The following LMO7 variants were observed in gnomAD, a reference collection of about 807,000 sequenced individuals.
The protein encoded by LMO7 is LIM domain 7, also known as LIM domain only protein 7.
A neutral mutation model predicts 206.5 loss-of-function variants in LMO7; 120 were observed. The ratio of observed to expected loss-of-function variants is 0.58; its 90% confidence interval spans 0.50 to 0.68. The LOEUF is 0.68. Among genes scored for constraint, LMO7 ranks in the 30% least tolerant of loss-of-function variants. The pLI is 0.00. For synonymous variants in LMO7, 706 were observed against 681.5 expected (o/e 1.04, Z -0.56); for missense variants, 1,959 against 1,957.9 (o/e 1.00, Z -0.01).
intron 8 of LMO7, chr13:75,805,014 G>C (rs2055257661): frequency 1.0e-6 from 1 of 999,966 alleles, no homozygotes; most frequent in African/African-American, 1.7e-5. Flanking sequence ...CATAGTTTTG[G>C]ATGACTTAGC....
At chr13:75,647,744 G>A (rs2037162944) in intron 1 of LMO7, among the ~76,000 whole-genome samples, 1 of 152,028 alleles carries the variant, frequency 6.6e-6, no homozygotes, top group East Asian at 1.9e-4. Flanking sequence ...TCTATCATCT[G>A]CTTCAACTTA....
intron 3 of LMO7, among the ~76,000 whole-genome samples, chr13:75,732,226 A>C (rs1008352726): frequency 4.6e-5 from 7 of 152,254 alleles, no homozygotes; most frequent in African/African-American, 1.7e-4. Context: ...GTGTTTTCCA[A>C]CTTGGTTCCA....
chr13:75,831,728 A>C (rs2058684779), intron 15 of LMO7, among the ~76,000 whole-genome samples: 1 of 152,170 alleles, frequency 6.6e-6, no homozygotes, highest in Non-Finnish European at 1.5e-5. Flanking sequence ...GTCCTGCTAG[A>C]GTGAGAACTT....
At chr13:75,769,244 CTGG>C (rs953037681) in intron 4 of LMO7, among the ~76,000 whole-genome samples, 6 of 151,818 alleles carry the variant, frequency 4.0e-5, no homozygotes, top group African/African-American at 7.3e-5. Context: ...GGTAATTGCC[CTGG>C]TATGGTTTCT....
chr13:75,676,693 A>G (rs1419582247), intron 1 of LMO7, among the ~76,000 whole-genome samples: 1 of 152,236 alleles, frequency 6.6e-6, no homozygotes, highest in East Asian at 1.9e-4. Flanking sequence ...GCTAACAAAG[A>G]TGAGAAGGCA....
chr13:75,848,431 T>TCATCCATCTATCTATC (rs1555348051), intron 26 of LMO7, among the ~76,000 whole-genome samples: 1 of 150,520 alleles, frequency 6.6e-6, no homozygotes, highest in Non-Finnish European at 1.5e-5. Flanking sequence ...TTCCATGCGA[T>TCATCCATCTATCTATC]TATCTATCTA....
intron 4 of LMO7, among the ~76,000 whole-genome samples, chr13:75,763,050 G>T (rs867585767): frequency 3.1e-4 from 47 of 152,182 alleles, no homozygotes; most frequent in African/African-American, 1.0e-3. Flanking sequence ...AATATATAAT[G>T]TGGAGACTCC....
intron 3 of LMO7, among the ~76,000 whole-genome samples, chr13:75,751,335 T>C (rs1442320377): frequency 3.3e-5 from 5 of 151,950 alleles, no homozygotes. Flanking sequence ...TAATTATTTG[T>C]ATTTTTAGTA....
chr13:75,760,317 T>C, intron 3 of LMO7: 2 of 981,482 alleles, frequency 2.0e-6, no homozygotes, highest in Non-Finnish European at 2.4e-6. Flanking sequence ...GAGTGAGTAA[T>C]GTGCCACACA....
In LMO7 at chr13:75,853,213, C is replaced by T; in HGVS notation, c.4486C>T (p.Pro1496Ser). 3 of 1,614,162 alleles carry T rather than the reference C, an allele frequency of 1.9e-6. No individual in the cohort carries two copies. The highest frequency in any genetic ancestry group is 2.5e-6 in the Non-Finnish European group (3 of 1,180,018). Reference sequence around the variant, plus strand: ...TGTGCAAGACTTTAGTCGCCCACCACCTCAGCTGGTGTCCACATCAAACCG... The same window carrying T: ...TGTGCAAGACTTTAGTCGCCCACCATCTCAGCTGGTGTCCACATCAAACCG... The part of the protein sequence containing the change: ...SSVQDFSRPP[P>S]QLVSTSNRAY... The change falls in exon 28 of 31, where the codon CCT (proline) becomes TCT (serine). Residue 1496 changes from proline (P) to serine (S), a missense_variant. Pro to Ser is a moderately conservative substitution (Grantham distance 74, BLOSUM62 -1). Transcript: ENST00000377534.
intron 1 of LMO7, among the ~76,000 whole-genome samples, chr13:75,706,393 C>T (rs949413782): frequency 9.9e-5 from 15 of 152,224 alleles, no homozygotes; most frequent in African/African-American, 3.6e-4. Flanking sequence ...GGTGAGTTTA[C>T]AATTATATGG....
intron 1 of LMO7, among the ~76,000 whole-genome samples, chr13:75,649,500 C>G (rs1209198726): frequency 1.3e-5 from 2 of 152,136 alleles, no homozygotes; most frequent in Non-Finnish European, 2.9e-5. Flanking sequence ...GACCATTAAA[C>G]TTGGCAACAG....
In LMO7 at chr13:75,636,562, C is replaced by T; in HGVS notation, c.-96C>T. ...GAGCGGAAGCCGGAGTTGTGGGAGG[C>T]CCGCGTGCCCTCCCCGCCCGTGGGG... On this transcript the variant is annotated 5_prime_UTR_variant, in exon 1 of 31. Coordinates refer to ENST00000377534, the MANE Select transcript of LMO7 (RefSeq NM_001306080.2). 1 of 1,531,670 alleles carries T rather than the reference C, an allele frequency of 6.5e-7. No individual in the cohort carries two copies. The highest frequency in any genetic ancestry group is 8.7e-7 in the Non-Finnish European group (1 of 1,144,728). 94.9% of individuals were successfully genotyped at this position (1,531,670 alleles called of 1,614,324 possible).
chr13:75,708,138 C>G (rs934406340), intron 1 of LMO7, among the ~76,000 whole-genome samples: 11 of 152,184 alleles, frequency 7.2e-5, no homozygotes, highest in African/African-American at 2.7e-4. Context: ...TAACCACCCT[C>G]AAGAACTTGA....
chr13:75,807,639 A>C lies in LMO7; in HGVS notation c.1356A>C (p.Ala452=). 6.2e-7 allele frequency: 1 copy of C among 1,614,034 alleles called. No homozygotes were observed. The highest frequency in any genetic ancestry group is 1.1e-5 in the South Asian group (1 of 91,080). Residue 452 remains alanine (A), a synonymous_variant, in exon 10 of 31, where the codon GCA becomes GCC. Transcript: ENST00000377534. ...ATAGAAGAGATGACCTCGAGATGGC[A>C]GCCCTGGATCCTGACTTAGAGAATG... ...PGYRRDDLEM[A]ALDPDLENDD...
chr13:75,821,618 T>G lies in LMO7; in HGVS notation c.2640+9T>G, dbSNP rs1361965468. Reference sequence around the variant, plus strand: ...TCCCCAGATCTTACACGGTAAAAAATGTTCTCGGTTCATTTAGTCTGTTCT... The same window carrying G: ...TCCCCAGATCTTACACGGTAAAAAAGGTTCTCGGTTCATTTAGTCTGTTCT... On this transcript the variant is annotated intron_variant, in intron 14 of 30. Coordinates refer to ENST00000377534, the MANE Select transcript of LMO7 (RefSeq NM_001306080.2). 6.2e-7 allele frequency: 1 copy of G among 1,601,652 alleles called. No homozygotes were observed. Among genetic ancestry groups the G allele is most frequent in the Admixed American group, 1.7e-5 (1 of 59,090 alleles).
chr13:75,786,631 C>A (rs981127090), intron 4 of LMO7, among the ~76,000 whole-genome samples: 1 of 151,980 alleles, frequency 6.6e-6, no homozygotes, highest in Non-Finnish European at 1.5e-5. Flanking sequence ...ATGATCTGCC[C>A]GCCTCGGCCT....
intron 4 of LMO7, among the ~76,000 whole-genome samples, chr13:75,768,038 CAA>C (rs987311869): frequency 6.6e-6 from 1 of 152,010 alleles, no homozygotes; most frequent in African/African-American, 2.4e-5. Flanking sequence ...CCCTACCTCA[CAA>C]AGATGTTGTA....
At chr13:75,626,261 C>T (rs565717064) in intron 2 of LMO7, among the ~76,000 whole-genome samples, 4 of 152,002 alleles carry the variant, frequency 2.6e-5, no homozygotes, top group South Asian at 2.1e-4. Context: ...AAGAAAAAGA[C>T]GTTTAATGGG....
Sources: allele counts gnomAD v4.1 joint callset (sites outside exome capture counted in the v4.1 genomes callset), GRCh38; gene constraint gnomAD v4.1.1; transcripts MANE v1.5; gene names NCBI Gene and HGNC (gene_info 2026-07-23, HGNC 2026-07-21).